GALNT17: variants seen among roughly 807,000 people sequenced by gnomAD.
The protein encoded by GALNT17 is polypeptide N-acetylgalactosaminyltransferase 17.
GALNT17 carries 29 observed loss-of-function variants against 63.7 expected under a neutral mutation model. The observed-to-expected ratio is 0.46, with a 90% CI of 0.34 to 0.62. GALNT17 has a LOEUF of 0.62. GALNT17 is among the 20% of genes least tolerant of loss of function. The pLI is 0.01. For missense variants in GALNT17, 603 were observed against 799.6 expected (o/e 0.75, Z 2.97); for synonymous variants, 305 against 318.3 (o/e 0.96, Z 0.45).
At chr7:71,601,080 A>G (rs1279063404) in intron 6 of GALNT17, among the ~76,000 whole-genome samples, 2 of 151,988 alleles carry the variant, frequency 1.3e-5, no homozygotes, top group Admixed American at 6.6e-5. Context: ...CTCACTGCAA[A>G]TGCTGTTAAT....
chr7:71,484,962 CTTTTT>C (rs779772231), intron 5 of GALNT17, among the ~76,000 whole-genome samples: 136 of 47,580 alleles, frequency 2.9e-3, no homozygotes, highest in African/African-American at 9.2e-3. Context: ...CCACACCTGG[CTTTTT>C]TTTTTTTTTT....
intron 2 of GALNT17, among the ~76,000 whole-genome samples, chr7:71,343,806 T>C (rs191601700): frequency 1.3e-5 from 2 of 152,312 alleles, no homozygotes; most frequent in East Asian, 3.9e-4. Context: ...AATAATCTTA[T>C]AAATAACCCT....
intron 1 of GALNT17, among the ~76,000 whole-genome samples, chr7:71,302,585 C>T (rs1402532751): frequency 6.6e-6 from 1 of 152,156 alleles, no homozygotes; most frequent in African/African-American, 2.4e-5. Context: ...TGTCTGTTGC[C>T]TCTGAGCTCA....
In GALNT17 at chr7:71,132,801, T is replaced by A. The variant is rs917139111; in HGVS notation, c.-2T>A. 1 of 1,597,268 alleles carries A rather than the reference T, an allele frequency of 6.3e-7. No individual in the cohort carries two copies. Among genetic ancestry groups the A allele is most frequent in the Non-Finnish European group, 8.5e-7 (1 of 1,170,356 alleles). On this transcript the variant is annotated 5_prime_UTR_variant, in exon 1 of 11. Coordinates refer to ENST00000333538, the MANE Select transcript of GALNT17 (RefSeq NM_022479.3). ...CGGGGCGAGGGCCGGCCGGGCTGTT[T>A]GATGGCTTCACTGAGAAGAGTCAAA...
At chr7:71,289,175 C>T (rs1790931678) in intron 1 of GALNT17, among the ~76,000 whole-genome samples, 1 of 150,874 alleles carries the variant, frequency 6.6e-6, no homozygotes, top group Non-Finnish European at 1.5e-5. Context: ...TAAGGTTATT[C>T]CTCTCTGTGC....
At chr7:71,145,589 C>T (rs998820941) in intron 1 of GALNT17, among the ~76,000 whole-genome samples, 7 of 152,180 alleles carry the variant, frequency 4.6e-5, no homozygotes. Flanking sequence ...GCAAGCAGGT[C>T]AGAGAACAAG....
At chr7:71,679,162 G>A (rs1179438751) in intron 9 of GALNT17, among the ~76,000 whole-genome samples, 1 of 152,046 alleles carries the variant, frequency 6.6e-6, no homozygotes, top group Non-Finnish European at 1.5e-5. Context: ...TCTAATGCAG[G>A]TGGCTGTGAT....
chr7:71,312,864 T>C (rs769699059), intron 1 of GALNT17, among the ~76,000 whole-genome samples: 17 of 152,104 alleles, frequency 1.1e-4, no homozygotes, highest in Non-Finnish European at 2.2e-4. Context: ...AGGGCTAGCA[T>C]TTTGGGAGGT....
In GALNT17 at chr7:71,642,349, C is replaced by T. The variant is rs564868717; in HGVS notation, c.1081-23062C>T. Among the ~76,000 whole-genome samples the T allele has an allele frequency of 1.1e-4, 16 of 152,286 alleles. No individual in the cohort carries two copies. The South Asian group carries it at 1.2e-3, about 12-fold the overall frequency. The stretch of plus-strand genomic sequence containing the variant: ...GAATATAGAGCACTTTGCAAAGTAT[C>T]TGACACTTAACCAGTGTTTTAAGTG... On this transcript the variant is annotated intron_variant, in intron 6 of 10. Transcript: ENST00000333538.
At chr7:71,674,793 A>G (rs995647532) in intron 8 of GALNT17, among the ~76,000 whole-genome samples, 3 of 152,246 alleles carry the variant, frequency 2.0e-5, no homozygotes, top group Non-Finnish European at 4.4e-5. Context: ...CTGGGATTAC[A>G]GGCGTGAGCC....
intron 2 of GALNT17, among the ~76,000 whole-genome samples, chr7:71,340,933 G>A (rs1177663883): frequency 2.0e-5 from 3 of 152,152 alleles, no homozygotes; most frequent in African/African-American, 4.8e-5. Context: ...AGCTACTTGG[G>A]AGGCTGAGGC....
At chr7:71,412,839 T>C (rs1180548278) in intron 3 of GALNT17, among the ~76,000 whole-genome samples, 1 of 152,124 alleles carries the variant, frequency 6.6e-6, no homozygotes, top group East Asian at 1.9e-4. Flanking sequence ...GGCCAAGAGT[T>C]CGAGACCAGC....
intron 5 of GALNT17, among the ~76,000 whole-genome samples, chr7:71,422,631 C>G (rs1786687328): frequency 6.6e-6 from 1 of 152,356 alleles, no homozygotes; most frequent in Non-Finnish European, 1.5e-5. Flanking sequence ...GGCTCCGACC[C>G]CATGGCGGTC....
intron 6 of GALNT17, among the ~76,000 whole-genome samples, chr7:71,595,431 C>T (rs116679643): frequency 8.6e-6 from 1 of 116,748 alleles, no homozygotes; most frequent in South Asian, 2.7e-4. Context: ...GACTCTGTCT[C>T]AAAAAAAAAA....
At chr7:71,198,189 C>T (rs1789093284) in intron 1 of GALNT17, among the ~76,000 whole-genome samples, 1 of 135,088 alleles carries the variant, frequency 7.4e-6, no homozygotes, top group African/African-American at 3.0e-5. Context: ...CCGAGCGAGA[C>T]TCTGTCTCAA....
At chr7:71,632,761 C>A (rs552056861) in intron 6 of GALNT17, among the ~76,000 whole-genome samples, 1 of 152,136 alleles carries the variant, frequency 6.6e-6, no homozygotes, top group African/African-American at 2.4e-5. Flanking sequence ...ATTTTGCTCA[C>A]CGTGGATTTT....
At chr7:71,353,646 G>A (rs1792227038) in intron 2 of GALNT17, among the ~76,000 whole-genome samples, 1 of 152,132 alleles carries the variant, frequency 6.6e-6, no homozygotes, top group South Asian at 2.1e-4. Context: ...TACAAAAATG[G>A]TGTTGCATCT....
intron 4 of GALNT17, among the ~76,000 whole-genome samples, chr7:71,416,992 T>A (rs956870077): frequency 2.6e-5 from 4 of 152,330 alleles, no homozygotes; most frequent in African/African-American, 4.8e-5. Context: ...ATGTTAAAAT[T>A]GGAATAGGAC....
chr7:71,225,277 C>G (rs147051459), intron 1 of GALNT17, among the ~76,000 whole-genome samples: 144 of 152,338 alleles, frequency 9.5e-4, no homozygotes, highest in African/African-American at 3.1e-3. Context: ...CCCATAGACT[C>G]ATTCTTACAG....
Sources: gnomAD v4.1 joint callset for allele counts (sites outside exome capture counted in the v4.1 genomes callset) on GRCh38, gnomAD v4.1.1 for gene constraint, MANE v1.5 for transcripts, NCBI Gene and HGNC (gene_info 2026-07-23, HGNC 2026-07-21) for gene names.